The following CFAP20DC variants were observed in gnomAD, a reference collection of about 807,000 sequenced individuals.
CFAP20DC encodes CFAP20 domain containing.
CFAP20DC carries 84 observed loss-of-function variants against 101.7 expected under a neutral mutation model. The ratio of observed to expected loss-of-function variants is 0.83; its 90% CI spans 0.69 to 0.99. The LOEUF (loss-of-function observed/expected upper bound fraction) is 0.99. Among genes scored for constraint, CFAP20DC ranks in the 50% least tolerant of loss-of-function variants. The probability of loss-of-function intolerance (pLI) is 0.00; values close to 1 mark genes in which losing one functional copy is unlikely to be tolerated. For missense variants in CFAP20DC, 1,007 were observed against 970.3 expected (o/e 1.04, Z -0.50); for synonymous variants, 359 against 351.2 (o/e 1.02, Z -0.25).
At chr3:58,812,509 A>G (rs977721754) in intron 14 of CFAP20DC, among the ~76,000 whole-genome samples, 2 of 151,640 alleles carry the variant, frequency 1.3e-5, no homozygotes, top group Non-Finnish European at 2.9e-5. Context: ...GAACAATGAG[A>G]ACACATGGAC....
rs1461254452 is a variant in CFAP20DC at position 58,732,910 on chromosome 3, G to A, written c.198-15282C>T. On this transcript the variant is annotated intron_variant, in intron 3 of 3. Transcript: ENST00000486145. The surrounding 1 kb of genome is among the most constrained non-coding windows in gnomAD (Gnocchi z 5.4). ...ATTTGTAGGGGATGGCTGACCTTCCGAGTAGAAAATAAATGCAAAGCTGAA... is the reference window on the plus strand; with the variant it reads ...ATTTGTAGGGGATGGCTGACCTTCCAAGTAGAAAATAAATGCAAAGCTGAA... Among the ~76,000 whole-genome samples, 3 of 152,150 alleles carry A rather than the reference G, an allele frequency of 2.0e-5. No homozygotes were observed. Among genetic ancestry groups the A allele is most frequent in the Non-Finnish European group, 4.4e-5 (3 of 68,028 alleles).
chr3:59,012,284 T>C (rs147853005), intron 4 of CFAP20DC, among the ~76,000 whole-genome samples: 1 of 152,314 alleles, frequency 6.6e-6, no homozygotes, highest in East Asian at 1.9e-4. Flanking sequence ...AGTGAAAGGA[T>C]ACACAAGGAT....
chr3:58,982,152 A>G (rs1317031704), intron 4 of CFAP20DC, among the ~76,000 whole-genome samples: 4 of 152,232 alleles, frequency 2.6e-5, no homozygotes, highest in Non-Finnish European at 5.9e-5. Flanking sequence ...TCAAAACCAC[A>G]ATGAGATACC....
chr3:58,801,159 C>T (rs763115920), intron 15 of CFAP20DC, among the ~76,000 whole-genome samples: 2 of 151,910 alleles, frequency 1.3e-5, no homozygotes, highest in Non-Finnish European at 2.9e-5. Flanking sequence ...CAGCCAGACC[C>T]GTGGGTTCTA....
rs1381575262 is a variant in CFAP20DC at position 58,892,826 on chromosome 3, T to C, written c.551-8117A>G. On this transcript the variant is annotated intron_variant, in intron 6 of 16. Coordinates refer to ENST00000482387, the MANE Select transcript of CFAP20DC (RefSeq NM_001394063.1). This position sits in a 1 kb window ranked among gnomAD's most constrained non-coding sequence, Gnocchi z 4.0. ...TCCTATTTGAATACTCTTTATTTTT[T>C]TCTCTTGCCTGATTGTCCTCGCCAG... Among the ~76,000 whole-genome samples the C allele has an allele frequency of 6.6e-6, 1 of 152,192 alleles. No individual in the cohort carries two copies. The highest frequency in any genetic ancestry group is 1.9e-4 in the East Asian group (1 of 5,188).
chr3:58,798,764 G>A (rs968114885), intron 15 of CFAP20DC, among the ~76,000 whole-genome samples: 1 of 152,122 alleles, frequency 6.6e-6, no homozygotes, highest in Non-Finnish European at 1.5e-5. Context: ...CCAACCTTCA[G>A]CAACAACCAG....
rs9859619 is a variant in CFAP20DC at position 58,769,139 on chromosome 3, C to G, written c.2238-15276G>C. The stretch of plus-strand genomic sequence containing the variant: ...CTTGATAGGAGCTGTGACCCTGGGC[C>G]GAATTTTGCAGTAAGCCCGAGTTAG... On this transcript the variant is annotated intron_variant, in intron 15 of 16. Transcript: ENST00000482387. Among the ~76,000 whole-genome samples, 1,182 of 152,222 alleles carry G rather than the reference C, an allele frequency of 7.8e-3. 15 individuals are homozygous for G. The highest frequency in any genetic ancestry group is 0.028 in the African/African-American group (1,147 of 41,518).
chr3:58,798,621 A>G (rs901666994), intron 15 of CFAP20DC, among the ~76,000 whole-genome samples: 2 of 152,222 alleles, frequency 1.3e-5, no homozygotes, highest in Non-Finnish European at 2.9e-5. Flanking sequence ...TCCAATTTTG[A>G]AAGAAGTTCT....
At chr3:58,862,622 C>T in intron 12 of CFAP20DC, 1 of 985,394 alleles carries the variant, frequency 1.0e-6, no homozygotes, top group Non-Finnish European at 1.2e-6. Context: ...AAGGTTGGTG[C>T]TATGGACTTA....
At chr3:58,791,385 A>T (rs1240230761) in intron 15 of CFAP20DC, among the ~76,000 whole-genome samples, 1 of 152,132 alleles carries the variant, frequency 6.6e-6, no homozygotes, top group Non-Finnish European at 1.5e-5. Flanking sequence ...TAGATAACTT[A>T]ATTGGGGCTT....
intron 7 of CFAP20DC, among the ~76,000 whole-genome samples, chr3:58,871,494 G>C: frequency 6.6e-6 from 1 of 150,730 alleles, no homozygotes; most frequent in East Asian, 1.9e-4. Context: ...AGCATACCCT[G>C]TCGTTATATG....
At chr3:58,793,642 C>A (rs1310852737) in intron 15 of CFAP20DC, among the ~76,000 whole-genome samples, 1 of 152,126 alleles carries the variant, frequency 6.6e-6, no homozygotes, top group African/African-American at 2.4e-5. Context: ...TAGATTCTCA[C>A]CCCCTACCCT....
chr3:58,786,003 G>A (rs181193701), intron 15 of CFAP20DC, among the ~76,000 whole-genome samples: 25 of 152,204 alleles, frequency 1.6e-4, no homozygotes, highest in Non-Finnish European at 3.2e-4. Context: ...CATTTGTCCT[G>A]TTGTTTCTCC....
In CFAP20DC at chr3:59,020,218, C is replaced by G. The variant is rs547632376; in HGVS notation, c.278+19339G>C. On this transcript the variant is annotated intron_variant, in intron 4 of 16. Coordinates refer to ENST00000482387, the MANE Select transcript of CFAP20DC (RefSeq NM_001394063.1). ...AATTTCCAACATGGTAAATATTGAG[C>G]TACAACCCACATAAAGAAAAGCTCT... Among the ~76,000 whole-genome samples the G allele has an allele frequency of 1.3e-5, 2 of 151,952 alleles. 1 individual carries two copies. The highest frequency in any genetic ancestry group is 4.1e-4 in the South Asian group (2 of 4,832).
intron 12 of CFAP20DC, among the ~76,000 whole-genome samples, chr3:58,857,062 T>A (rs1157469316): frequency 6.6e-6 from 1 of 152,166 alleles, no homozygotes; most frequent in Non-Finnish European, 1.5e-5. Context: ...GTGAGGCAAT[T>A]TCTAGACACT....
At position 58,861,874 on chromosome 3, in the gene CFAP20DC, T is replaced by TA; in HGVS notation, c.1593+1683dup. On this transcript the variant is annotated intron_variant, in intron 12 of 16. Coordinates refer to ENST00000482387, the MANE Select transcript of CFAP20DC (RefSeq NM_001394063.1). The surrounding 1 kb of genome is among the most constrained non-coding windows in gnomAD (Gnocchi z 4.0). Reference sequence around the variant, plus strand: ...CAGTGAAAGCTTGGGTAATGCATGATAAATTTGTTTTCAATTTTATGTAGT... The same window carrying TA: ...CAGTGAAAGCTTGGGTAATGCATGATAAAATTTGTTTTCAATTTTATGTAGT... The TA allele has an allele frequency of 1.0e-6, 1 of 985,458 alleles. No homozygotes were observed. Among genetic ancestry groups the TA allele is most frequent in the Non-Finnish European group, 1.2e-6 (1 of 829,926 alleles). 61.0% of individuals were successfully genotyped at this position (985,458 alleles called of 1,614,324 possible).
Position 58,831,687 on chromosome 3 carries a change from G to C in CFAP20DC, c.2174C>G (p.Pro725Arg). Reference protein sequence around the residue: ...DTTTWNSCLPPPVNQGRHYQK... With the variant: ...DTTTWNSCLPRPVNQGRHYQK... Reference sequence around the variant, plus strand: ...GAAGCTGCAAAGCCAGGGACTCACGGGTGGCAGGCAGGAGTTCCAGGTGGT... The same window carrying C: ...GAAGCTGCAAAGCCAGGGACTCACGCGTGGCAGGCAGGAGTTCCAGGTGGT... The change falls in exon 14 of 17, where the codon CCC (proline) becomes CGC (arginine). Residue 725 changes from proline to arginine, a missense_variant and splice_region_variant. By Grantham distance (103) the Pro-to-Arg change is moderately radical. Coordinates refer to ENST00000482387, the MANE Select transcript of CFAP20DC (RefSeq NM_001394063.1). 2 of 1,613,420 alleles carry C rather than the reference G, an allele frequency of 1.2e-6. No individual in the cohort carries two copies. Among genetic ancestry groups the C allele is most frequent in the African/African-American group, 1.3e-5 (1 of 75,020 alleles).
intron 16 of CFAP20DC, among the ~76,000 whole-genome samples, chr3:58,750,476 T>C (rs78084391): frequency 0.02 from 3,015 of 152,290 alleles, 37 homozygotes; most frequent in Middle Eastern, 0.041. Flanking sequence ...CACAGGAAGA[T>C]TAAATAAATA....
intron 5 of CFAP20DC, among the ~76,000 whole-genome samples, chr3:58,933,333 A>G (rs576961971): frequency 2.0e-5 from 3 of 151,832 alleles, no homozygotes; most frequent in African/African-American, 7.2e-5. Flanking sequence ...GGAGACTTTA[A>G]CACCCCACTG....
Sources: allele counts gnomAD v4.1 joint callset (sites outside exome capture counted in the v4.1 genomes callset), GRCh38; gene constraint gnomAD v4.1.1; non-coding constraint Gnocchi (gnomAD v3.1); transcripts MANE v1.5; gene names NCBI Gene and HGNC (gene_info 2026-07-23, HGNC 2026-07-21).